Variants in ACOX3 observed in about 807,000 individuals in gnomAD.
The protein encoded by ACOX3 is peroxisomal acyl-coenzyme A oxidase 3.
A neutral mutation model predicts 81.5 loss-of-function variants in ACOX3; 73 were observed. The ratio of observed to expected loss-of-function variants is 0.90; its 90% CI spans 0.74 to 1.09. The LOEUF is 1.09. ACOX3 is among the 50% of genes least tolerant of loss of function. The probability of loss-of-function intolerance (pLI) is 0.00; values close to 1 mark genes in which losing one functional copy is unlikely to be tolerated. For missense variants in ACOX3, 947 were observed against 928.0 expected (o/e 1.02, Z -0.27); for synonymous variants, 387 against 375.1 (o/e 1.03, Z -0.37).
chr4:8,394,151 T>C lies in ACOX3; in HGVS notation c.1179+469A>G, dbSNP rs541323730. On this transcript the variant is annotated intron_variant, in intron 10 of 17. Transcript: ENST00000356406. The surrounding 1 kb of genome is among the most constrained non-coding windows in gnomAD (Gnocchi z 5.9). ...ACAATGGAAAATCAGTTCATAATCA[T>C]CTACAAAGAAATCCGTTCCCGATGT... Among the ~76,000 whole-genome samples the C allele has an allele frequency of 6.6e-5, 10 of 152,316 alleles. No homozygotes were observed. In the South Asian group the frequency reaches 1.2e-3, roughly 19 times the overall value.
chr4:8,403,611 T>C (rs1204270160), intron 7 of ACOX3, among the ~76,000 whole-genome samples: 1 of 152,230 alleles, frequency 6.6e-6, no homozygotes, highest in Non-Finnish European at 1.5e-5. Flanking sequence ...CGGTCGTTAT[T>C]GTGTTAGTGG....
chr4:8,374,777 G>T (rs751320970), intron 15 of ACOX3: 381 of 532,990 alleles, frequency 7.1e-4, no homozygotes, highest in Non-Finnish European at 8.6e-4. Flanking sequence ...GAAAAATTGG[G>T]TTTCTCGGCA....
Position 8,385,526 on chromosome 4 carries a change from G to A in ACOX3, c.1537+3647C>T, listed in dbSNP as rs543480809. Among the ~76,000 whole-genome samples, 126 of 152,296 alleles carry A rather than the reference G, an allele frequency of 8.3e-4. No individual in the cohort carries two copies. The highest frequency in any genetic ancestry group is 2.8e-3 in the African/African-American group (115 of 41,552). ...TGCATACGAGCCAGCTAAACAACAG[G>A]GCCCACTGCAGGAAGCAACAGCACA... On this transcript the variant is annotated intron_variant, in intron 13 of 17. Coordinates refer to ENST00000356406, the MANE Select transcript of ACOX3 (RefSeq NM_003501.3). The surrounding 1 kb of genome is among the most constrained non-coding windows in gnomAD (Gnocchi z 5.5).
intron 7 of ACOX3, among the ~76,000 whole-genome samples, chr4:8,403,411 C>A (rs900908349): frequency 2.6e-5 from 4 of 152,268 alleles, no homozygotes; most frequent in South Asian, 2.1e-4. Context: ...TGGAAAGGGG[C>A]GGAGAGCAGG....
rs938214119 is a variant in ACOX3, at chr4:8,399,655, G to A, written c.777-3C>T. On this transcript the variant is annotated splice_region_variant and splice_polypyrimidine_tract_variant and intron_variant, in intron 7 of 17. Coordinates refer to ENST00000356406, the MANE Select transcript of ACOX3 (RefSeq NM_003501.3). This position sits in a 1 kb window ranked among gnomAD's most constrained non-coding sequence, Gnocchi z 4.9. ...TGACCTTGTGGAACATGGCGAAACT[G>A]TGGGGAAGCAGCAGGGCTTCTGTTA... is the stretch of plus-strand genomic sequence containing the variant. 7 of 1,613,518 alleles carry A rather than the reference G, an allele frequency of 4.3e-6. No individual in the cohort carries two copies. In the African/African-American group the frequency reaches 9.3e-5, roughly 22 times the overall value.
rs1678281 is a variant in ACOX3 at position 8,368,435 on chromosome 4, G to C, written c.1984-1355C>G. ...CCAGGGCCTGGGGAGGTGGTCTATTGTGTATCCAGCTTACGCTGACCCATT... is the reference window on the plus strand; with the variant it reads ...CCAGGGCCTGGGGAGGTGGTCTATTCTGTATCCAGCTTACGCTGACCCATT... On this transcript the variant is annotated intron_variant, in intron 17 of 17. Transcript: ENST00000356406. This position sits in a 1 kb window ranked among gnomAD's most constrained non-coding sequence, Gnocchi z 5.9. Among the ~76,000 whole-genome samples, 4 of 151,950 alleles carry C rather than the reference G, an allele frequency of 2.6e-5. No homozygotes were observed. Among genetic ancestry groups the C allele is most frequent in the African/African-American group, 9.7e-5 (4 of 41,332 alleles).
At chr4:8,417,808 G>C (rs1173127809) in intron 1 of ACOX3, among the ~76,000 whole-genome samples, 1 of 152,216 alleles carries the variant, frequency 6.6e-6, no homozygotes, top group Non-Finnish European at 1.5e-5. Flanking sequence ...CTTTCAGCTA[G>C]ACTGGCCAAA....
rs1354776374 is a variant in ACOX3, at chr4:8,400,039, G to A, written c.777-387C>T. On this transcript the variant is annotated intron_variant, in intron 7 of 17. Transcript: ENST00000356406. This position sits in a 1 kb window ranked among gnomAD's most constrained non-coding sequence, Gnocchi z 4.4. ...AGGTGGGTGGATCACCTCAGGTCAG[G>A]AGTTCGAAACCAGCCTGACCAATAT... Among the ~76,000 whole-genome samples, 1 of 152,122 alleles carries A rather than the reference G, an allele frequency of 6.6e-6. No individual in the cohort carries two copies. Among genetic ancestry groups the A allele is most frequent in the Non-Finnish European group, 1.5e-5 (1 of 68,034 alleles).
downstream of ACOX3, among the ~76,000 whole-genome samples, chr4:8,362,319 C>T (rs531828393): frequency 7.9e-5 from 12 of 152,276 alleles, no homozygotes; most frequent in South Asian, 6.2e-4. Flanking sequence ...GTTGCTGATC[C>T]TTTGTTTCGT....
In ACOX3 at chr4:8,399,535, A is replaced by T. The variant is rs1011350809; in HGVS notation, c.873+21T>A. On this transcript the variant is annotated intron_variant, in intron 8 of 17. Coordinates refer to ENST00000356406, the MANE Select transcript of ACOX3 (RefSeq NM_003501.3). The surrounding 1 kb of genome is among the most constrained non-coding windows in gnomAD (Gnocchi z 4.9). ...AGGCACCTGGGAAGCACGGCACACG[A>T]ACGGCCCCCCATGCCTGTACCTTAA... 25 of 1,595,322 alleles carry T rather than the reference A, an allele frequency of 1.6e-5. No homozygotes were observed. Among genetic ancestry groups the T allele is most frequent in the Non-Finnish European group, 2.1e-5 (25 of 1,163,476 alleles).
intron 7 of ACOX3, among the ~76,000 whole-genome samples, chr4:8,403,087 T>C (rs186831973): frequency 1.8e-4 from 28 of 152,340 alleles, no homozygotes; most frequent in Admixed American, 1.7e-3. Context: ...CTTTATGATT[T>C]TGCTTTTAGA....
Position 8,385,548 on chromosome 4 carries a change from C to T in ACOX3, c.1537+3625G>A, listed in dbSNP as rs1301355655. Among the ~76,000 whole-genome samples the T allele has an allele frequency of 6.6e-6, 1 of 152,254 alleles. No individual in the cohort carries two copies. Among genetic ancestry groups the T allele is most frequent in the African/African-American group, 2.4e-5 (1 of 41,472 alleles). On this transcript the variant is annotated intron_variant, in intron 13 of 17. Coordinates refer to ENST00000356406, the MANE Select transcript of ACOX3 (RefSeq NM_003501.3). This position sits in a 1 kb window ranked among gnomAD's most constrained non-coding sequence, Gnocchi z 5.5. ...CAGGGCCCACTGCAGGAAGCAACAG[C>T]ACAGGCCCCCAAGGCACAGGGCTGT...
chr4:8,362,616 C>T (rs1458837807), downstream of ACOX3, among the ~76,000 whole-genome samples: 1 of 152,186 alleles, frequency 6.6e-6, no homozygotes, highest in African/African-American at 2.4e-5. Flanking sequence ...ACTTGTAAAG[C>T]CAATAAAAGC....
At chr4:8,420,142 T>C (rs1722775061) in intron 1 of ACOX3, among the ~76,000 whole-genome samples, 1 of 152,188 alleles carries the variant, frequency 6.6e-6, no homozygotes, top group African/African-American at 2.4e-5. Flanking sequence ...ACCATGGTCA[T>C]ACAACTATTA....
intron 1 of ACOX3, among the ~76,000 whole-genome samples, chr4:8,435,704 CT>C (rs1274180752): frequency 1.3e-5 from 2 of 152,236 alleles, no homozygotes; most frequent in African/African-American, 4.8e-5. Context: ...TGTTTAACAG[CT>C]TATTGCAAAA....
chr4:8,367,051 C>A lies in ACOX3; in HGVS notation c.2013G>T (p.Leu671=). Residue 671 remains leucine (L), a synonymous_variant, in exon 18 of 18, where the codon CTG becomes CTT. Transcript: ENST00000356406. ...CCCGCTCCAACACCTTGCTTTCCTG[C>A]AGGACAGCGCCCCAGAGGTTTTTGT... The part of the protein sequence containing the change: ...ELYKNLWGAV[L]QESKVLERAS... The A allele has an allele frequency of 6.2e-7, 1 of 1,614,084 alleles. No individual in the cohort carries two copies. The highest frequency in any genetic ancestry group is 8.5e-7 in the Non-Finnish European group (1 of 1,179,986).
intron 14 of ACOX3, among the ~76,000 whole-genome samples, chr4:8,378,167 C>T (rs1560170223): frequency 2.6e-5 from 4 of 152,184 alleles, no homozygotes; most frequent in Non-Finnish European, 5.9e-5. Flanking sequence ...TTTTAAGAGG[C>T]AATGCATACT....
chr4:8,365,012 A>C (rs1398532886), downstream of ACOX3, among the ~76,000 whole-genome samples: 2 of 152,042 alleles, frequency 1.3e-5, no homozygotes, highest in Admixed American at 6.5e-5. Flanking sequence ...TAGAAAAGCT[A>C]CAGGTCTAGG....
chr4:8,437,619 C>T lies in ACOX3; in HGVS notation c.-15+3029G>A, dbSNP rs934505897. Among the ~76,000 whole-genome samples the T allele has an allele frequency of 1.3e-5, 2 of 152,160 alleles. No homozygotes were observed. The highest frequency in any genetic ancestry group is 4.8e-5 in the African/African-American group (2 of 41,438). The stretch of plus-strand genomic sequence containing the variant: ...AAGAGAGATTAGCAATGCGAGAGGA[C>T]GTGGACACGGATGTAGACGTGGAAG... On this transcript the variant is annotated intron_variant, in intron 1 of 17. Coordinates refer to ENST00000356406, the MANE Select transcript of ACOX3 (RefSeq NM_003501.3). This position sits in a 1 kb window ranked among gnomAD's most constrained non-coding sequence, Gnocchi z 5.2.
Sources: gnomAD v4.1 joint callset for allele counts (sites outside exome capture counted in the v4.1 genomes callset) on GRCh38, gnomAD v4.1.1 for gene constraint, Gnocchi (gnomAD v3.1) non-coding constraint, MANE v1.5 for transcripts, NCBI Gene and HGNC (gene_info 2026-07-23, HGNC 2026-07-21) for gene names.